SRP14: variants seen among roughly 807,000 people sequenced by gnomAD.
SRP14 encodes signal recognition particle 14.
Under a neutral mutation model 16.0 loss-of-function variants are expected in SRP14, and 1 was observed. The observed-to-expected ratio is 0.06, with a 90% CI of 0.02 to 0.30. The LOEUF is 0.30. Among genes scored for constraint, SRP14 ranks in the 10% least tolerant of loss-of-function variants. The probability of loss-of-function intolerance (pLI) is 1.00; values close to 1 mark genes in which losing one functional copy is unlikely to be tolerated. For synonymous variants in SRP14, 67 were observed against 60.1 expected (o/e 1.12, Z -0.53); for missense variants, 120 against 163.1 (o/e 0.74, Z 1.44).
chr15:40,037,294 A>AAAAAAAAAAAAAAAAAAAAAAT, intron 3 of SRP14: 4 of 1,352,532 alleles, frequency 3.0e-6, no homozygotes, highest in Non-Finnish European at 3.8e-6. Context: ...AAAAAAAAAA[A>AAAAAAAAAAAAAAAAAAAAAAT]GCTTTGTTTC....
chr15:40,038,804 C>T, intron 2 of SRP14, 72 bp downstream of exon 2: 1 of 1,539,938 alleles, frequency 6.5e-7, no homozygotes, highest in Non-Finnish European at 8.9e-7. Context: ...CGGTCCGCGG[C>T]AGACAGACTC....
At chr15:40,038,539 G>A (rs2035667214) in intron 2 of SRP14, 145 bp from the exon 3 acceptor site, 5 of 637,080 alleles carry the variant, frequency 7.8e-6, no homozygotes, top group Admixed American at 2.8e-5. Flanking sequence ...CTGCTATCAC[G>A]GTCTGGCGAA....
At chr15:40,036,584 G>C (rs1025948058) in intron 4 of SRP14, 84 bp from the exon 5 acceptor site, 6 of 1,395,038 alleles carry the variant, frequency 4.3e-6, no homozygotes, top group Non-Finnish European at 5.9e-6. Flanking sequence ...TGGATTTAGG[G>C]TAGCCAAAAA....
At chr15:40,038,218 G>GC in intron 3 of SRP14, 64 bp downstream of exon 3, 2 of 1,308,994 alleles carry the variant, frequency 1.5e-6, no homozygotes, top group South Asian at 2.4e-5. Flanking sequence ...GTTCAGAAAC[G>GC]CCCCATCCTC....
intron 3 of SRP14, chr15:40,037,278 G>GTAAAAAAAAAA: frequency 1.2e-4 from 23 of 193,290 alleles, no homozygotes; most frequent in Admixed American, 9.2e-4. Flanking sequence ...CTCCTTTTGG[G>GTAAAAAAAAAA]GAAAAAAAAA....
chr15:40,038,970 C>T (rs771261976), intron 1 of SRP14, 22 bp from the exon 2 acceptor site: 2 of 1,608,944 alleles, frequency 1.2e-6, no homozygotes, highest in South Asian at 2.2e-5. Context: ...CAGGCCCAGC[C>T]CCGTTAGCCA....
chr15:40,036,314 AG>A lies in SRP14; in HGVS notation c.*18del, dbSNP rs764336389. 12 of 1,611,228 alleles carry A rather than the reference AG, an allele frequency of 7.4e-6. No homozygotes were observed. The highest frequency in any genetic ancestry group is 1.0e-5 in the Non-Finnish European group (12 of 1,177,632). On this transcript the variant is annotated 3_prime_UTR_variant, in exon 5 of 5. Coordinates refer to ENST00000267884, the MANE Select transcript of SRP14 (RefSeq NM_003134.6). ...AGCAATTCAGTGGTTAATTGGTGAA[AG>A]CAGGAAATGTATGCCCTTTACTGTG...
At chr15:40,037,294 AGCTT>A in intron 3 of SRP14, 1 of 1,352,532 alleles carries the variant, frequency 7.4e-7, no homozygotes, top group South Asian at 1.4e-5. Flanking sequence ...AAAAAAAAAA[AGCTT>A]TGTTTCTCAC....
intron 1 of SRP14, 43 bp downstream of exon 1, chr15:40,039,050 C>G (rs2035677940): frequency 6.2e-7 from 1 of 1,607,486 alleles, no homozygotes. Context: ...TCGAGTAACG[C>G]CTGAGCCGCC....
At chr15:40,037,833 T>C (rs1403016197) in intron 3 of SRP14, among the ~76,000 whole-genome samples, 1 of 152,208 alleles carries the variant, frequency 6.6e-6, no homozygotes, top group Non-Finnish European at 1.5e-5. Flanking sequence ...TTATTCAACC[T>C]CCACTGAAAG....
chr15:40,036,884 T>A, intron 4 of SRP14, 102 bp downstream of exon 4: 1 of 1,325,636 alleles, frequency 7.5e-7, no homozygotes, highest in South Asian at 1.2e-5. Flanking sequence ...GTAAAACTTA[T>A]CTCCGGAGAG....
chr15:40,038,641 CAA>C (rs1177120701), intron 2 of SRP14: 1 of 611,738 alleles, frequency 1.6e-6, no homozygotes, highest in Non-Finnish European at 2.9e-6. Flanking sequence ...GGATCCCTGA[CAA>C]AGAGCCCTGG....
intron 2 of SRP14, 50 bp downstream of exon 2, chr15:40,038,824 CCA>C: frequency 2.5e-6 from 4 of 1,593,538 alleles, no homozygotes; most frequent in Non-Finnish European, 3.4e-6. Context: ...CCGGTGGCTC[CCA>C]GACACCGGGA....
rs1567014658 is a variant in SRP14, at chr15:40,037,617, T to TTCCAAC, written c.211-600_211-599insGTTGGA. ...GAAGTCCTCTCAAGATAACTTGTCC[T>TTCCAAC]TAGGTTTTTGTTATTTCATGATATC... On this transcript the variant is annotated intron_variant, in intron 3 of 4. Transcript: ENST00000267884. 3.8e-4 allele frequency among the ~76,000 whole-genome samples: 49 copies of TTCCAAC among 130,424 alleles called. 14 individuals carry two copies. Among genetic ancestry groups the TTCCAAC allele is most frequent in the South Asian group, 1.4e-3 (6 of 4,434 alleles). 85.6% of individuals were successfully genotyped at this position (130,424 alleles called of 152,430 possible).
In SRP14 at chr15:40,039,134, G is replaced by T. The variant is rs373938206; in HGVS notation, c.-18C>A. Reference sequence around the variant, plus strand: ...AACACCATCGCGGCGACGCTGGCTCGACTCCCTCCGCTTAAGCCCCTAGCA... The same window carrying T: ...AACACCATCGCGGCGACGCTGGCTCTACTCCCTCCGCTTAAGCCCCTAGCA... On this transcript the variant is annotated 5_prime_UTR_variant, in exon 1 of 5. Transcript: ENST00000267884. The T allele has an allele frequency of 6.2e-7, 1 of 1,608,088 alleles. No homozygotes were observed. The highest frequency in any genetic ancestry group is 8.5e-7 in the Non-Finnish European group (1 of 1,178,258).
intron 3 of SRP14, chr15:40,037,394 A>C: frequency 8.3e-7 from 1 of 1,201,472 alleles, no homozygotes; most frequent in Non-Finnish European, 1.1e-6. Flanking sequence ...TTAATTTTTT[A>C]TACATTAATA....
intron 3 of SRP14, among the ~76,000 whole-genome samples, 198 bp downstream of exon 3, chr15:40,038,084 A>C (rs1450968442): frequency 6.6e-6 from 1 of 152,248 alleles, no homozygotes; most frequent in East Asian, 1.9e-4. Context: ...CTTTAGCAGA[A>C]CTAACGACTG....
In SRP14 at chr15:40,036,479, C is replaced by T; in HGVS notation, c.265G>A (p.Ala89Thr). The T allele has an allele frequency of 6.2e-7, 1 of 1,614,108 alleles. No individual in the cohort carries two copies. The highest frequency in any genetic ancestry group is 8.5e-7 in the Non-Finnish European group (1 of 1,180,018). ...CTCTTCTTCAGCCCATCCATGTTAG[C>T]TCTAAGGAGGTTTGAATAAGCCTGA... ...FQMAYSNLLR[A>T]NMDGLKKRDK... Residue 89 changes from alanine (A) to threonine (T), a missense_variant, in exon 5 of 5, where the codon GCT becomes ACT. Around this residue, in one of 3 missense-constraint regions of SRP14, gnomAD observed 44 missense variants for 93.1 expected, o/e 0.47. Transcript: ENST00000267884.
At chr15:40,037,429 C>T (rs1460776520) in intron 3 of SRP14, 1 of 1,002,502 alleles carries the variant, frequency 1.0e-6, no homozygotes, top group South Asian at 1.7e-5. Context: ...ACTACTCCCT[C>T]CCCATCTTAT....
Sources: gnomAD v4.1 joint callset for allele counts (sites outside exome capture counted in the v4.1 genomes callset) on GRCh38, gnomAD v4.1.1 for gene constraint, gnomAD v4.1.1 regional missense constraint, MANE v1.5 for transcripts, NCBI Gene and HGNC (gene_info 2026-07-23, HGNC 2026-07-21) for gene names.